Variants in TMEM223 observed in about 807,000 individuals in gnomAD.
TMEM223 encodes the protein transmembrane protein 223.
A neutral mutation model predicts 14.1 loss-of-function variants in TMEM223; 14 were observed. The ratio of observed to expected loss-of-function variants is 0.99; its 90% CI spans 0.66 to 1.55. The LOEUF is 1.55. Ranked by LOEUF, TMEM223 falls within the 40% of genes most tolerant of loss-of-function variation. The pLI is 0.00. For missense variants in TMEM223, 346 were observed against 269.9 expected (o/e 1.28, Z -1.97); for synonymous variants, 145 against 120.5 (o/e 1.20, Z -1.33).
intron 1 of TMEM223, among the ~76,000 whole-genome samples, chr11:62,780,910 C>T (rs2084224240): frequency 7.1e-6 from 1 of 141,276 alleles, no homozygotes; most frequent in South Asian, 2.2e-4. Context: ...GCACTCCAGC[C>T]TGGGCAATAG....
chr11:62,778,680 A>G, intron 1 of TMEM223: 1 of 625,106 alleles, frequency 1.6e-6, no homozygotes, highest in Non-Finnish European at 2.8e-6. Context: ...AGGACAGAGC[A>G]CAGAGGTGTG....
At chr11:62,774,921 C>T (rs1177397946) in intron 1 of TMEM223, among the ~76,000 whole-genome samples, 20 of 149,628 alleles carry the variant, frequency 1.3e-4, no homozygotes, top group Non-Finnish European at 2.7e-4. Flanking sequence ...TTTAGCCATC[C>T]GGGCGTGGTG....
downstream of TMEM223, chr11:62,786,982 T>C (rs904351431): frequency 8.2e-6 from 12 of 1,455,672 alleles, no homozygotes; most frequent in African/African-American, 1.5e-5. Flanking sequence ...GCCCGCCGCC[T>C]CTGAGAGCAG....
intron 1 of TMEM223, 36 bp from the exon 2 acceptor site, chr11:62,790,951 C>T (rs2084354432): frequency 2.0e-6 from 3 of 1,497,662 alleles, no homozygotes; most frequent in African/African-American, 2.8e-5. Context: ...GAGGGGTTTT[C>T]ACTGGGCATC....
downstream of TMEM223, among the ~76,000 whole-genome samples, chr11:62,788,669 A>G (rs1315630798): frequency 1.7e-5 from 2 of 119,640 alleles, no homozygotes; most frequent in African/African-American, 6.0e-5. Flanking sequence ...GCGCCACTGC[A>G]CTCCAGCAAA....
In TMEM223 at chr11:62,790,213, T is replaced by G; in HGVS notation, c.*410A>C. ...CTCCACCTCTTCCTGCAGCTGTTTT[T>G]GTACCAAAATATTATATTACTGTCT... On this transcript the variant is annotated 3_prime_UTR_variant, in exon 2 of 2. Coordinates refer to ENST00000307366, the MANE Select transcript of TMEM223 (RefSeq NM_001080501.3). 1.3e-6 allele frequency: 1 copy of G among 741,422 alleles called. No individual in the cohort carries two copies. Among genetic ancestry groups the G allele is most frequent in the Non-Finnish European group, 2.1e-6 (1 of 476,538 alleles). The allele number at this position is 741,422 out of a possible 1,614,324, so 45.9% of individuals were successfully genotyped here.
chr11:62,782,274 C>G, intron 1 of TMEM223: 1 of 1,614,194 alleles, frequency 6.2e-7, no homozygotes, highest in South Asian at 1.1e-5. Context: ...CCATCAACCC[C>G]CTGAATGACC....
intron 1 of TMEM223, chr11:62,781,693 T>C: frequency 2.0e-6 from 1 of 497,842 alleles, no homozygotes; most frequent in Non-Finnish European, 3.6e-6. Flanking sequence ...GACATTCAGG[T>C]TGTATTCAGG....
intron 1 of TMEM223, chr11:62,778,524 A>G (rs1362895528): frequency 1.6e-5 from 11 of 673,866 alleles, no homozygotes; most frequent in Non-Finnish European, 2.3e-5. Flanking sequence ...CAGACCTGTA[A>G]CTAGTCATAA....
chr11:62,786,205 T>C, downstream of TMEM223: 1 of 1,572,286 alleles, frequency 6.4e-7, no homozygotes, highest in Non-Finnish European at 8.7e-7. Context: ...AAAGGGTCCT[T>C]GAGAGGGAAT....
At chr11:62,786,542 T>C (rs781722979), downstream of TMEM223, 12 of 1,552,278 alleles carry the variant, frequency 7.7e-6, no homozygotes, top group Non-Finnish European at 1.0e-5. Flanking sequence ...CTGCTGAAGA[T>C]GAAGGCCCAG....
chr11:62,786,305 A>G, downstream of TMEM223: 1 of 1,614,172 alleles, frequency 6.2e-7, no homozygotes, highest in Non-Finnish European at 8.5e-7. Context: ...CTACTGGACA[A>G]ACTTGCAGGC....
downstream of TMEM223, among the ~76,000 whole-genome samples, chr11:62,783,327 A>G (rs1456417640): frequency 1.3e-5 from 2 of 152,020 alleles, no homozygotes; most frequent in Admixed American, 1.3e-4. Flanking sequence ...CTAAAAATAC[A>G]AACAATTAGC....
At chr11:62,787,829 G>C (rs529259814), downstream of TMEM223, 18 of 659,578 alleles carry the variant, frequency 2.7e-5, no homozygotes, top group African/African-American at 1.9e-4. Flanking sequence ...TTCCGAAACA[G>C]AAGTCAGTGC....
In TMEM223 at chr11:62,790,844, C is replaced by G; in HGVS notation, c.388G>C (p.Gly130Arg). ...SVRSVVLRAG[G>R]QQVTLTTHAP... ...TGAGTGGTGAGGGTCACCTGCTGCC[C>G]TCCAGCTCGAAGCACCACTGAGCGC... The change falls in exon 2 of 2, where the codon GGG becomes CGG. Residue 130 changes from glycine to arginine, a missense_variant. Transcript: ENST00000307366. The G allele has an allele frequency of 6.2e-7, 1 of 1,604,880 alleles. No homozygotes were observed. The highest frequency in any genetic ancestry group is 8.5e-7 in the Non-Finnish European group (1 of 1,175,792).
chr11:62,789,396 A>C, downstream of TMEM223: 2 of 1,613,008 alleles, frequency 1.2e-6, no homozygotes, highest in Non-Finnish European at 1.7e-6. Flanking sequence ...TCTCTCTGCA[A>C]CTCCATCATC....
downstream of TMEM223, chr11:62,787,979 A>T (rs1404891386): frequency 2.1e-6 from 1 of 466,980 alleles, no homozygotes; most frequent in Non-Finnish European, 4.3e-6. Flanking sequence ...AGATGGAGAA[A>T]ACGCTGACGT....
intron 1 of TMEM223, chr11:62,781,955 A>G (rs770145677): frequency 6.2e-7 from 1 of 1,614,078 alleles, no homozygotes; most frequent in Non-Finnish European, 8.5e-7. Context: ...TACTTTGTTT[A>G]TGTGGTCAGT....
Position 62,791,945 on chromosome 11 carries a change from C to G in TMEM223, c.50G>C (p.Arg17Pro). 6.3e-7 allele frequency: 1 copy of G among 1,588,672 alleles called. No homozygotes were observed. Among genetic ancestry groups the G allele is most frequent in the African/African-American group, 1.3e-5 (1 of 74,522 alleles). ...RWPTGLLAVL[R>P]PLLTCRPLQG... ...CAGGGGCCGGCAGGTGAGCAGGGGCCGCAGCACGGCTAGCAGCCCCGTGGG... is the reference window on the plus strand; with the variant it reads ...CAGGGGCCGGCAGGTGAGCAGGGGCGGCAGCACGGCTAGCAGCCCCGTGGG... The change falls in exon 1 of 2, where the codon CGG (arginine) becomes CCG (proline). Residue 17 changes from arginine to proline, a missense_variant. By Grantham distance (103) the Arg-to-Pro change is moderately radical. Coordinates refer to ENST00000307366, the MANE Select transcript of TMEM223 (RefSeq NM_001080501.3).
Sources: gnomAD v4.1 joint callset for allele counts (sites outside exome capture counted in the v4.1 genomes callset) on GRCh38, gnomAD v4.1.1 for gene constraint, MANE v1.5 for transcripts, NCBI Gene and HGNC (gene_info 2026-07-23, HGNC 2026-07-21) for gene names.